Variants in FAM91A1 observed in about 807,000 individuals in gnomAD.
FAM91A1 encodes family with sequence similarity 91 member A1.
A neutral mutation model predicts 113.5 loss-of-function variants in FAM91A1; 41 were observed. The ratio of observed to expected loss-of-function variants is 0.36; its 90% confidence interval spans 0.28 to 0.47. The LOEUF (loss-of-function observed/expected upper bound fraction) is 0.47. Ranked by LOEUF, FAM91A1 falls within the 20% of genes least tolerant of loss-of-function variation. The pLI is 1.00. For synonymous variants in FAM91A1, 307 were observed against 347.9 expected (o/e 0.88, Z 1.31); for missense variants, 696 against 1,001.2 (o/e 0.70, Z 4.11).
chr8:123,774,134 C>T lies in FAM91A1; in HGVS notation c.127C>T (p.Arg43Cys), dbSNP rs201622788. 9 of 1,607,990 alleles carry T rather than the reference C, an allele frequency of 5.6e-6. No individual in the cohort carries two copies. Among genetic ancestry groups the T allele is most frequent in the East Asian group, 4.5e-5 (2 of 44,560 alleles). The change falls in exon 2 of 24, where the codon CGC becomes TGC. Residue 43 changes from arginine to cysteine, a missense_variant. By Grantham distance (180) the Arg-to-Cys change is radical. Coordinates refer to ENST00000334705, the MANE Select transcript of FAM91A1 (RefSeq NM_144963.4). ...YEKQVVLYSI[R>C]NQLRYRNNLV... Reference sequence around the variant, plus strand: ...AAAGCAGGTTGTCCTGTACAGTATCCGCAATCAGTTACGATATAGAAATAA... The same window carrying T: ...AAAGCAGGTTGTCCTGTACAGTATCTGCAATCAGTTACGATATAGAAATAA...
chr8:123,814,450 C>T lies in FAM91A1; in HGVS notation c.*1746C>T, dbSNP rs532545473. 3.8e-5 allele frequency: 7 copies of T among 185,532 alleles called. No homozygotes were observed. Among genetic ancestry groups the T allele is most frequent in the East Asian group, 1.8e-4 (1 of 5,458 alleles). 11.5% of individuals were successfully genotyped at this position (185,532 alleles called of 1,614,324 possible). A position where few individuals can be genotyped will look rare whatever the true frequency, so the allele number is the denominator to read the frequency against. ...TAACCATCTAAACCAACTGTAATGA[C>T]ATGTACACTAATACAGAATTGAACA... On this transcript the variant is annotated 3_prime_UTR_variant, in exon 24 of 24. Coordinates refer to ENST00000334705, the MANE Select transcript of FAM91A1 (RefSeq NM_144963.4).
At chr8:123,806,024 G>C (rs1815793538) in intron 19 of FAM91A1, 56 bp from the exon 20 acceptor site, 6 of 1,441,214 alleles carry the variant, frequency 4.2e-6, no homozygotes, top group Non-Finnish European at 5.5e-6. Flanking sequence ...TGTTTAAGCT[G>C]TTGGCGTTGT....
At chr8:123,801,915 G>A (rs796140324) in intron 18 of FAM91A1, among the ~76,000 whole-genome samples, 17 of 152,168 alleles carry the variant, frequency 1.1e-4, no homozygotes, top group African/African-American at 4.1e-4. Context: ...AATATGAAGT[G>A]ACATAACATG....
intron 3 of FAM91A1, among the ~76,000 whole-genome samples, chr8:123,776,873 G>A (rs1158750086): frequency 2.0e-5 from 3 of 152,232 alleles, no homozygotes; most frequent in Non-Finnish European, 2.9e-5. Flanking sequence ...TTCATTGGTA[G>A]TGCATGTTGA....
At chr8:123,798,003 T>A in intron 15 of FAM91A1, 87 bp from the exon 16 acceptor site, 1 of 1,421,698 alleles carries the variant, frequency 7.0e-7, no homozygotes, top group Non-Finnish European at 9.5e-7. Flanking sequence ...TTTAAAATCT[T>A]AAGTCAGTTA....
chr8:123,808,091 G>A (rs1401682182), intron 20 of FAM91A1, among the ~76,000 whole-genome samples, 181 bp from the exon 21 acceptor site: 1 of 152,136 alleles, frequency 6.6e-6, no homozygotes, highest in Admixed American at 6.5e-5. Flanking sequence ...GTCTTCATTC[G>A]TGTCCCTTGG....
chr8:123,811,329 G>C (rs1216924066), intron 23 of FAM91A1: 1 of 152,160 alleles, frequency 6.6e-6, no homozygotes, highest in South Asian at 2.1e-4. Flanking sequence ...AAAGAGAAAT[G>C]ATTAAAGACT....
At position 123,814,763 on chromosome 8, in the gene FAM91A1, G is replaced by A. The variant is rs17351770; in HGVS notation, c.*2059G>A. 3,704 of 152,628 alleles carry A rather than the reference G, an allele frequency of 0.024. 63 individuals carry two copies. The highest frequency in any genetic ancestry group is 0.032 in the Non-Finnish European group (2,187 of 68,016). The allele number at this position is 152,628 out of a possible 1,614,324, so 9.5% of individuals were successfully genotyped here. On this transcript the variant is annotated 3_prime_UTR_variant, in exon 24 of 24. Transcript: ENST00000334705. The stretch of plus-strand genomic sequence containing the variant: ...CAAAATGTGAAAAGCTGATGTTTGC[G>A]CCTTGCTTTGTGAATTTGGCTTTGT...
At chr8:123,793,123 G>C (rs1165293826) in intron 15 of FAM91A1, among the ~76,000 whole-genome samples, 1 of 152,078 alleles carries the variant, frequency 6.6e-6, no homozygotes, top group African/African-American at 2.4e-5. Context: ...ACCTCACCCT[G>C]TCATCCTACT....
chr8:123,799,585 T>G lies in FAM91A1; in HGVS notation c.1626T>G (p.Thr542=). 4.3e-6 allele frequency: 7 copies of G among 1,614,126 alleles called. No individual in the cohort carries two copies. The highest frequency in any genetic ancestry group is 5.9e-6 in the Non-Finnish European group (7 of 1,179,992). ...TTAAACTGTACATTTATCATGTCACTGGACAAGGACCACCATCCCTTTTAT... is the reference window on the plus strand; with the variant it reads ...TTAAACTGTACATTTATCATGTCACGGGACAAGGACCACCATCCCTTTTAT... ...VWFKLYIYHV[T]GQGPPSLLLS... is the part of the protein sequence containing the mutation. The change falls in exon 17 of 24, where the codon ACT becomes ACG. Residue 542 remains threonine (T), a synonymous_variant. Coordinates refer to ENST00000334705, the MANE Select transcript of FAM91A1 (RefSeq NM_144963.4).
In FAM91A1 at chr8:123,808,329, T is replaced by C. The variant is rs1347908663; in HGVS notation, c.2090T>C (p.Met697Thr). 25 of 1,613,562 alleles carry C rather than the reference T, an allele frequency of 1.5e-5. No individual in the cohort carries two copies. The highest frequency in any genetic ancestry group is 2.1e-5 in the Non-Finnish European group (25 of 1,179,674). The change falls in exon 21 of 24, where the codon ATG becomes ACG. Residue 697 changes from methionine to threonine, a missense_variant. Physicochemically the swap from Met to Thr is moderately conservative, Grantham distance 81. Coordinates refer to ENST00000334705, the MANE Select transcript of FAM91A1 (RefSeq NM_144963.4). ...DVNGSTESFE[M>T]VIEEATIDSA... is the part of the protein sequence containing the mutation. Reference sequence around the variant, plus strand: ...AATGGGAGTACAGAGTCATTTGAAATGGTCATTGAGGAAGCAACTATAGAT... The same window carrying C: ...AATGGGAGTACAGAGTCATTTGAAACGGTCATTGAGGAAGCAACTATAGAT...
intron 12 of FAM91A1, among the ~76,000 whole-genome samples, chr8:123,786,994 A>G (rs1417305214): frequency 6.6e-6 from 1 of 152,198 alleles, no homozygotes; most frequent in Non-Finnish European, 1.5e-5. Flanking sequence ...TGGTCAGGGA[A>G]GGAAAGCCAT....
At chr8:123,809,474 A>G (rs539052123) in intron 22 of FAM91A1, among the ~76,000 whole-genome samples, 16 of 152,200 alleles carry the variant, frequency 1.1e-4, no homozygotes, top group Non-Finnish European at 2.4e-4. Flanking sequence ...TCTAAAATGG[A>G]TATGTATTAC....
intron 8 of FAM91A1, 41 bp from the exon 9 acceptor site, chr8:123,784,429 A>C (rs1323737003): frequency 7.0e-7 from 1 of 1,436,362 alleles, no homozygotes; most frequent in Non-Finnish European, 9.6e-7. Context: ...TTGTTTTATA[A>C]AATCTGTACC....
In FAM91A1 at chr8:123,812,831, T is replaced by C; in HGVS notation, c.*127T>C. The C allele has an allele frequency of 1.2e-6, 1 of 826,550 alleles. No homozygotes were observed. Among genetic ancestry groups the C allele is most frequent in the Non-Finnish European group, 1.8e-6 (1 of 568,748 alleles). The allele number at this position is 826,550 out of a possible 1,614,324, so 51.2% of individuals were successfully genotyped here. ...ATTCTTGCTTAACTAATATTAAAAG[T>C]TGGGGAACATATTCATGTTTTCTGA... is the stretch of plus-strand genomic sequence containing the variant. On this transcript the variant is annotated 3_prime_UTR_variant, in exon 24 of 24. Coordinates refer to ENST00000334705, the MANE Select transcript of FAM91A1 (RefSeq NM_144963.4).
Position 123,787,248 on chromosome 8 carries a change from T to C in FAM91A1, c.1079-13T>C. The stretch of plus-strand genomic sequence containing the variant: ...TTTCCATTTACTTGATTTTAAATTA[T>C]GGTGTTTTTCAGCTGACACAGCCAG... On this transcript the variant is annotated splice_polypyrimidine_tract_variant and intron_variant, in intron 12 of 23. Coordinates refer to ENST00000334705, the MANE Select transcript of FAM91A1 (RefSeq NM_144963.4). The C allele has an allele frequency of 6.3e-7, 1 of 1,574,856 alleles. No homozygotes were observed. The highest frequency in any genetic ancestry group is 1.7e-5 in the Admixed American group (1 of 57,660).
At chr8:123,770,087 G>C (rs984262576) in intron 1 of FAM91A1, among the ~76,000 whole-genome samples, 5 of 152,106 alleles carry the variant, frequency 3.3e-5, no homozygotes, top group Admixed American at 2.0e-4. Context: ...CGAGTAGCTG[G>C]TACTACAGGT....
chr8:123,784,804 G>A (rs1199442607), intron 9 of FAM91A1: 1 of 428,242 alleles, frequency 2.3e-6, no homozygotes, highest in Non-Finnish European at 4.0e-6. Context: ...TTGTACTAAA[G>A]TATTGTAGAC....
At position 123,768,697 on chromosome 8, in the gene FAM91A1, G is replaced by A. The variant is rs1167145659; in HGVS notation, c.-6G>A. On this transcript the variant is annotated 5_prime_UTR_variant, in exon 1 of 24. Coordinates refer to ENST00000334705, the MANE Select transcript of FAM91A1 (RefSeq NM_144963.4). ...GGCCCCGGCCGCCGGCCCTGGCCGC[G>A]GCATCATGAACATAGACGTGGAGTT... is the stretch of plus-strand genomic sequence containing the variant. 6.3e-7 allele frequency: 1 copy of A among 1,596,426 alleles called. No individual in the cohort carries two copies. The highest frequency in any genetic ancestry group is 8.5e-7 in the Non-Finnish European group (1 of 1,172,296).
Sources: allele counts gnomAD v4.1 joint callset (sites outside exome capture counted in the v4.1 genomes callset), GRCh38; gene constraint gnomAD v4.1.1; transcripts MANE v1.5; gene names NCBI Gene and HGNC (gene_info 2026-07-23, HGNC 2026-07-21).